The following DDX60L variants were observed in gnomAD, a reference collection of about 807,000 sequenced individuals.
DDX60L encodes DExD/H-box 60 like.
A neutral mutation model predicts 211.6 loss-of-function variants in DDX60L; 191 were observed. The observed-to-expected ratio is 0.90, with a 90% confidence interval of 0.80 to 1.02. The LOEUF is 1.02. Among genes scored for constraint, DDX60L ranks in the 50% least tolerant of loss-of-function variants. The pLI is 0.00. For missense variants in DDX60L, 2,007 were observed against 1,984.1 expected (o/e 1.01, Z -0.22); for synonymous variants, 706 against 694.1 (o/e 1.02, Z -0.27).
intron 3 of DDX60L, 84 bp downstream of exon 3, chr4:168,472,371 G>A (rs1019376599): frequency 1.0e-6 from 1 of 988,932 alleles, no homozygotes; most frequent in Non-Finnish European, 1.5e-6. Flanking sequence ...GAGTGATCAT[G>A]TATATGTATA....
intron 8 of DDX60L, among the ~76,000 whole-genome samples, chr4:168,450,893 C>A (rs929605502): frequency 6.4e-4 from 97 of 152,264 alleles, no homozygotes; most frequent in African/African-American, 1.9e-3. Context: ...GGCAACAGAG[C>A]AAGATCTTGT....
intron 30 of DDX60L, chr4:168,380,040 G>T (rs1742666890): frequency 2.3e-6 from 1 of 426,832 alleles, no homozygotes; most frequent in Non-Finnish European, 4.1e-6. Context: ...AAGCAGAACT[G>T]TTATACATAA....
At chr4:168,409,487 T>C (rs180796526) in intron 22 of DDX60L, among the ~76,000 whole-genome samples, 13 of 152,332 alleles carry the variant, frequency 8.5e-5, no homozygotes, top group Admixed American at 8.5e-4. Context: ...TATCAAAATA[T>C]AATTGGAAGG....
chr4:168,374,682 T>C (rs1254701830), intron 34 of DDX60L, among the ~76,000 whole-genome samples: 1 of 152,254 alleles, frequency 6.6e-6, no homozygotes, highest in Middle Eastern at 3.2e-3. Flanking sequence ...AACTTTTCAA[T>C]TGTTTTATTT....
At chr4:168,449,618 AAAAAAAAAAACATTAAAAC>A in intron 8 of DDX60L, among the ~76,000 whole-genome samples, 1 of 38,544 alleles carries the variant, frequency 2.6e-5, no homozygotes, top group Non-Finnish European at 5.4e-5. Flanking sequence ...AGTATAATAA[AAAAAAAAAAACATTAAAAC>A]AAAAAAAAAA....
intron 32 of DDX60L, 139 bp downstream of exon 32, chr4:168,379,224 T>C (rs1742493027): frequency 2.2e-5 from 16 of 714,124 alleles, no homozygotes; most frequent in Non-Finnish European, 3.1e-5. Flanking sequence ...TTTTGGCATC[T>C]GTAAATCTGA....
intron 22 of DDX60L, among the ~76,000 whole-genome samples, chr4:168,414,709 A>G (rs913562598): frequency 6.6e-6 from 1 of 152,094 alleles, no homozygotes; most frequent in African/African-American, 2.4e-5. Context: ...GTTTGCAACA[A>G]CATAGATGGA....
chr4:168,438,368 C>A lies in DDX60L; in HGVS notation c.1294+2969G>T, dbSNP rs74193598. On this transcript the variant is annotated intron_variant, in intron 10 of 37. Coordinates refer to ENST00000682922, the MANE Select transcript of DDX60L (RefSeq NM_001012967.3). ...TATATAAAACCAAACTGTAACCCAACCACCTCAGGGCCACTTACTCAAGAC... is the reference window on the plus strand; with the variant it reads ...TATATAAAACCAAACTGTAACCCAAACACCTCAGGGCCACTTACTCAAGAC... Among the ~76,000 whole-genome samples the A allele has an allele frequency of 1.7e-4, 26 of 152,304 alleles. No individual in the cohort carries two copies. The East Asian group carries it at 5.0e-3, about 29-fold the overall frequency.
rs963767417 is a variant in DDX60L at position 168,430,711 on chromosome 4, AT to A, written c.1517-74del. 8.7e-6 allele frequency: 10 copies of A among 1,143,506 alleles called. 1 individual carries two copies. The highest frequency in any genetic ancestry group is 1.1e-5 in the Non-Finnish European group (9 of 853,636). The allele number at this position is 1,143,506 out of a possible 1,614,324, so 70.8% of individuals were successfully genotyped here. On this transcript the variant is annotated intron_variant, in intron 12 of 37. Coordinates refer to ENST00000682922, the MANE Select transcript of DDX60L (RefSeq NM_001012967.3). The stretch of plus-strand genomic sequence containing the variant: ...TATATATGTGTGCTACCCACACATT[AT>A]TTTTTTAACTCCAGAATAATAATTC...
chr4:168,419,497 G>T, intron 18 of DDX60L, 100 bp from the exon 19 acceptor site: 1 of 678,656 alleles, frequency 1.5e-6, no homozygotes, highest in Non-Finnish European at 2.3e-6. Context: ...GCTGATAGCA[G>T]TTTCATTAAG....
At chr4:168,397,877 C>T (rs976264482) in intron 26 of DDX60L, among the ~76,000 whole-genome samples, 2 of 152,178 alleles carry the variant, frequency 1.3e-5, no homozygotes, top group African/African-American at 4.8e-5. Context: ...CTTCCCCAGG[C>T]ACAGCTGTAG....
intron 22 of DDX60L, among the ~76,000 whole-genome samples, chr4:168,410,092 G>A (rs1001794534): frequency 2.6e-5 from 4 of 152,128 alleles, no homozygotes; most frequent in East Asian, 1.9e-4. Context: ...GTGAAAAAGT[G>A]CAAAATTTTT....
intron 4 of DDX60L, among the ~76,000 whole-genome samples, chr4:168,463,525 G>A (rs1422975023): frequency 6.6e-6 from 1 of 151,912 alleles, no homozygotes; most frequent in African/African-American, 2.4e-5. Context: ...GAAATAATCT[G>A]TACAACAAAC....
intron 26 of DDX60L, among the ~76,000 whole-genome samples, chr4:168,396,529 G>A (rs542034891): frequency 5.9e-5 from 9 of 152,148 alleles, no homozygotes; most frequent in Non-Finnish European, 7.4e-5. Flanking sequence ...CTTATGAAGA[G>A]GGTTCCAGAA....
chr4:168,429,783 T>G (rs1007142249), intron 13 of DDX60L, among the ~76,000 whole-genome samples: 3 of 152,198 alleles, frequency 2.0e-5, no homozygotes, highest in Non-Finnish European at 4.4e-5. Flanking sequence ...GTTCTCATGA[T>G]AGTGAATGAG....
At position 168,378,344 on chromosome 4, in the gene DDX60L, C is replaced by CA. The variant is rs966400630; in HGVS notation, c.4485+9dup. On this transcript the variant is annotated intron_variant, in intron 33 of 37. Coordinates refer to ENST00000682922, the MANE Select transcript of DDX60L (RefSeq NM_001012967.3). Reference sequence around the variant, plus strand: ...CATTATTATATCATTGTAAGTATAACAAACTTTACCTTTGACTGAGAAAAA... The same window carrying CA: ...CATTATTATATCATTGTAAGTATAACAAAACTTTACCTTTGACTGAGAAAAA... 3 of 1,351,018 alleles carry CA rather than the reference C, an allele frequency of 2.2e-6. No individual in the cohort carries two copies. The highest frequency in any genetic ancestry group is 2.1e-5 in the Admixed American group (1 of 48,092). 83.7% of individuals were successfully genotyped at this position (1,351,018 alleles called of 1,614,324 possible).
At chr4:168,436,734 CT>C (rs774483752) in intron 10 of DDX60L, among the ~76,000 whole-genome samples, 5 of 152,172 alleles carry the variant, frequency 3.3e-5, no homozygotes, top group Admixed American at 1.3e-4. Flanking sequence ...AAAATTTCTG[CT>C]TTCTGTTCTG....
chr4:168,376,177 G>A (rs1741913676), intron 33 of DDX60L, among the ~76,000 whole-genome samples: 1 of 152,104 alleles, frequency 6.6e-6, no homozygotes, highest in Non-Finnish European at 1.5e-5. Context: ...CATTAGAAAT[G>A]TTCTTGGTTT....
intron 30 of DDX60L, 87 bp from the exon 31 acceptor site, chr4:168,379,917 T>A: frequency 1.2e-6 from 1 of 822,756 alleles, no homozygotes; most frequent in Non-Finnish European, 1.9e-6. Context: ...ATACATACTA[T>A]ATAGATAAGG....
Sources: gnomAD v4.1 joint callset for allele counts (sites outside exome capture counted in the v4.1 genomes callset) on GRCh38, gnomAD v4.1.1 for gene constraint, MANE v1.5 for transcripts, NCBI Gene and HGNC (gene_info 2026-07-23, HGNC 2026-07-21) for gene names.